PCNX3: variants seen among roughly 807,000 people sequenced by gnomAD.
The protein encoded by PCNX3 is pecanex-like protein 3.
In PCNX3, 58 loss-of-function variants were observed where a neutral mutation model predicts 207.2. The ratio of observed to expected loss-of-function variants is 0.28; its 90% CI spans 0.23 to 0.35. The LOEUF (loss-of-function observed/expected upper bound fraction) is 0.35, where lower values mean the gene tolerates loss of function less well. PCNX3 is among the 10% of genes least tolerant of loss of function. The pLI is 1.00. For synonymous variants in PCNX3, 1,337 were observed against 1,183.5 expected, an observed-to-expected ratio of 1.13 and a Z score of -2.66; for missense variants, 2,410 against 2,774.4, an observed-to-expected ratio of 0.87 and a Z score of 2.95.
At chr11:65,623,333 C>T (rs980706405) in intron 11 of PCNX3, among the ~76,000 whole-genome samples, 158 bp from the exon 12 acceptor site, 1 of 152,230 alleles carries the variant, frequency 6.6e-6, no homozygotes, top group Non-Finnish European at 1.5e-5. Context: ...TGCCGGGCCG[C>T]GTCGTCGCAA....
Position 65,624,493 on chromosome 11 carries a change from C to T in PCNX3, c.2739C>T (p.Phe913=), listed in dbSNP as rs1480384311. The T allele has an allele frequency of 3.1e-6, 5 of 1,604,856 alleles. No individual in the cohort carries two copies. The highest frequency in any genetic ancestry group is 3.4e-6 in the Non-Finnish European group (4 of 1,175,662). Residue 913 remains phenylalanine, a synonymous_variant, in exon 15 of 35, where the codon TTC becomes TTT. Coordinates refer to ENST00000355703, the MANE Select transcript of PCNX3 (RefSeq NM_032223.4). ...VATVFTLCFP[F]VFLLGLLPQV... ...CAGTGTTCACCCTGTGCTTCCCCTT[C>T]GTCTTCCTCCTGGGCCTCCTGCCCC... is the stretch of plus-strand genomic sequence containing the variant.
Position 65,625,239 on chromosome 11 carries a change from C to T in PCNX3, c.2988C>T (p.Ser996=), listed in dbSNP as rs1157271159. 3.7e-6 allele frequency: 6 copies of T among 1,611,118 alleles called. No individual in the cohort carries two copies. The highest frequency in any genetic ancestry group is 2.2e-5 in the East Asian group (1 of 44,890). ...SVFCGLLVAL[S]YHLSRQSSDP... ...TCTGTGGCCTCCTGGTGGCACTGTC[C>T]TACCACCTGAGCCGGCAGAGCAGCG... is the stretch of plus-strand genomic sequence containing the variant. Residue 996 remains serine (S), a synonymous_variant, in exon 17 of 35, where the codon TCC becomes TCT. Transcript: ENST00000355703. The surrounding 1 kb of genome is among the most constrained non-coding windows in gnomAD (Gnocchi z 5.6).
At chr11:65,630,925 G>A (rs1311525218) in intron 27 of PCNX3, among the ~76,000 whole-genome samples, 1 of 152,232 alleles carries the variant, frequency 6.6e-6, no homozygotes, top group South Asian at 2.1e-4. Context: ...CAGAGCAGTG[G>A]TAGAGCTAAC....
Position 65,630,416 on chromosome 11 carries a change from T to G in PCNX3, c.4282T>G (p.Cys1428Gly). The part of the protein sequence containing the change: ...TEGVEEDEGC[C>G]CCEPGHLPRV... ...GGGTGTGGAGGAGGACGAGGGCTGTTGCTGCTGTGAACCTGGCCACCTGCC... is the reference window on the plus strand; with the variant it reads ...GGGTGTGGAGGAGGACGAGGGCTGTGGCTGCTGTGAACCTGGCCACCTGCC... The change falls in exon 27 of 35, where the codon TGC becomes GGC. Residue 1428 changes from cysteine (C) to glycine (G), a missense_variant. Cys to Gly is a radical substitution (Grantham distance 159, BLOSUM62 -3). Around this residue, in one of 8 missense-constraint regions of PCNX3, gnomAD observed 420 missense variants for 705.3 expected, o/e 0.60. Coordinates refer to ENST00000355703, the MANE Select transcript of PCNX3 (RefSeq NM_032223.4). 6.2e-7 allele frequency: 1 copy of G among 1,613,550 alleles called. No individual in the cohort carries two copies. Among genetic ancestry groups the G allele is most frequent in the Non-Finnish European group, 8.5e-7 (1 of 1,179,892 alleles).
At position 65,625,858 on chromosome 11, in the gene PCNX3, TTGGCC is replaced by T; in HGVS notation, c.3229-43_3229-39del. ...GTGCCAGGTGGCCCTCTGTGGTCCC[TTGGCC>T]TGCTCCCATCAGCTGAGTCTCTGGC... On this transcript the variant is annotated intron_variant, in intron 19 of 34. Coordinates refer to ENST00000355703, the MANE Select transcript of PCNX3 (RefSeq NM_032223.4). The surrounding 1 kb of genome is among the most constrained non-coding windows in gnomAD (Gnocchi z 5.6). 1 of 1,602,512 alleles carries T rather than the reference TTGGCC, an allele frequency of 6.2e-7. No homozygotes were observed. The highest frequency in any genetic ancestry group is 8.5e-7 in the Non-Finnish European group (1 of 1,173,598).
Position 65,636,503 on chromosome 11 carries a change from C to T in PCNX3, c.5706C>T (p.Leu1902=), listed in dbSNP as rs774159599. 6.3e-7 allele frequency: 1 copy of T among 1,580,864 alleles called. No homozygotes were observed. Among genetic ancestry groups the T allele is most frequent in the South Asian group, 1.1e-5 (1 of 88,002 alleles). ...PPLLQWPPPR[L]PGPPPASPIP... ...TGCTGCAGTGGCCTCCCCCTCGGCT[C>T]CCTGGACCACCCCCTGCATCGCCTA... The change falls in exon 34 of 35, where the codon CTC becomes CTT. Residue 1902 remains leucine (L), a synonymous_variant. Transcript: ENST00000355703.
rs1227103859 is a variant in PCNX3 at position 65,616,999 on chromosome 11, G to A, written c.329G>A (p.Ser110Asn). Residue 110 changes from serine to asparagine, a missense_variant, in exon 2 of 35, where the codon AGC becomes AAC. Coordinates refer to ENST00000355703, the MANE Select transcript of PCNX3 (RefSeq NM_032223.4). ...ELEEEPAQGD[S>N]NPPRDPGVEM... ...GAGGAAGAGCCTGCCCAGGGGGACAGCAATCCACCCAGGTGGGTGGGGTAG... is the reference window on the plus strand; with the variant it reads ...GAGGAAGAGCCTGCCCAGGGGGACAACAATCCACCCAGGTGGGTGGGGTAG... 1 of 1,609,784 alleles carries A rather than the reference G, an allele frequency of 6.2e-7. No homozygotes were observed. The highest frequency in any genetic ancestry group is 8.5e-7 in the Non-Finnish European group (1 of 1,178,552).
intron 2 of PCNX3, 102 bp downstream of exon 2, chr11:65,617,113 TGA>T: frequency 1.4e-6 from 2 of 1,402,532 alleles, no homozygotes; most frequent in South Asian, 2.6e-5. Flanking sequence ...GCTCTCTGAG[TGA>T]TTGTGAACAC....
intron 29 of PCNX3, among the ~76,000 whole-genome samples, 163 bp downstream of exon 29, chr11:65,634,804 G>T (rs1855759824): frequency 6.6e-6 from 1 of 152,130 alleles, no homozygotes; most frequent in South Asian, 2.1e-4. Context: ...TCATGACCTT[G>T]CCTGCTCCTC....
At position 65,625,993 on chromosome 11, in the gene PCNX3, C is replaced by T; in HGVS notation, c.3318C>T (p.Pro1106=). Residue 1106 remains proline, a synonymous_variant, in exon 20 of 35, where the codon CCC becomes CCT. Transcript: ENST00000355703. The surrounding 1 kb of genome is among the most constrained non-coding windows in gnomAD (Gnocchi z 5.6). ...YLLPQLRKQL[P]WFCLSQPVLK... is the part of the protein sequence containing the mutation. ...TGCCACAACTCCGCAAACAGCTGCCCTGGTTCTGCCTGTCACAGCCCGTGC... is the reference window on the plus strand; with the variant it reads ...TGCCACAACTCCGCAAACAGCTGCCTTGGTTCTGCCTGTCACAGCCCGTGC... The T allele has an allele frequency of 6.2e-7, 1 of 1,613,652 alleles. No individual in the cohort carries two copies. The highest frequency in any genetic ancestry group is 8.5e-7 in the Non-Finnish European group (1 of 1,179,796).
chr11:65,636,315 G>C lies in PCNX3; in HGVS notation c.5593+8G>C. 6.2e-7 allele frequency: 1 copy of C among 1,610,814 alleles called. No individual in the cohort carries two copies. The highest frequency in any genetic ancestry group is 8.5e-7 in the Non-Finnish European group (1 of 1,178,510). On this transcript the variant is annotated splice_region_variant and intron_variant, in intron 33 of 34. Transcript: ENST00000355703. ...CACCTGAGAACACGGCAGGTGAGCA[G>C]GCGAGGCTGGGCTGAACCCGTGGGT...
At chr11:65,633,258 C>T (rs529152034) in intron 27 of PCNX3, among the ~76,000 whole-genome samples, 16 of 152,378 alleles carry the variant, frequency 1.1e-4, no homozygotes, top group East Asian at 3.9e-4. Context: ...TGCCAGCTAC[C>T]TGTCTTCCAA....
At chr11:65,630,678 C>T in intron 27 of PCNX3, 74 bp downstream of exon 27, 2 of 1,538,832 alleles carry the variant, frequency 1.3e-6, no homozygotes, top group Non-Finnish European at 1.8e-6. Flanking sequence ...CCCCAGTACC[C>T]CCTTTCTGGG....
Position 65,616,222 on chromosome 11 carries a change from C to A in PCNX3, c.-90C>A. 2.7e-6 allele frequency: 3 copies of A among 1,118,966 alleles called. No individual in the cohort carries two copies. The highest frequency in any genetic ancestry group is 3.6e-6 in the Non-Finnish European group (3 of 840,310). 69.3% of individuals were successfully genotyped at this position (1,118,966 alleles called of 1,614,324 possible). Reference sequence around the variant, plus strand: ...ATGGCGTGAGCGTGAGGCCGGGCCCCGGGGCCCTCAGGCGCCAGACGGGGC... The same window carrying A: ...ATGGCGTGAGCGTGAGGCCGGGCCCAGGGGCCCTCAGGCGCCAGACGGGGC... On this transcript the variant is annotated 5_prime_UTR_variant, in exon 1 of 35. Transcript: ENST00000355703.
In PCNX3 at chr11:65,636,429, G is replaced by C; in HGVS notation, c.5632G>C (p.Gly1878Arg). Residue 1878 changes from glycine (G) to arginine (R), a missense_variant, in exon 34 of 35, where the codon GGG becomes CGG. By Grantham distance (125) the Gly-to-Arg change is moderately radical. Coordinates refer to ENST00000355703, the MANE Select transcript of PCNX3 (RefSeq NM_032223.4). Reference sequence around the variant, plus strand: ...ACCCCTCCCACCAGGCCCTGGCTGGGGGCCGCGGTCCTCCCTGAGTGGCTC... The same window carrying C: ...ACCCCTCCCACCAGGCCCTGGCTGGCGGCCGCGGTCCTCCCTGAGTGGCTC... ...DQPLPPGPGW[G>R]PRSSLSGSGD... The C allele has an allele frequency of 6.4e-7, 1 of 1,554,462 alleles. No homozygotes were observed. The highest frequency in any genetic ancestry group is 8.7e-7 in the Non-Finnish European group (1 of 1,151,268).
At position 65,618,000 on chromosome 11, in the gene PCNX3, A is replaced by G; in HGVS notation, c.638A>G (p.Asp213Gly). ...AVPDPSLASTDSSEPSPLAGD... is the reference protein window; with the variant it reads ...AVPDPSLASTGSSEPSPLAGD... ...CCAGACCCCTCTCTTGCCAGTACAG[A>G]CTCTTCAGAGCCTTCTCCCCTGGCT... The change falls in exon 6 of 35, where the codon GAC (aspartate) becomes GGC (glycine). Residue 213 changes from aspartate to glycine, a missense_variant. This residue lies in a region of PCNX3 where 1,104 missense variants were observed against 970.3 expected (regional missense o/e 1.14). Transcript: ENST00000355703. 2 of 1,610,842 alleles carry G rather than the reference A, an allele frequency of 1.2e-6. No individual in the cohort carries two copies. The highest frequency in any genetic ancestry group is 2.2e-5 in the South Asian group (2 of 90,732).
At chr11:65,634,721 ACAGTGGCCACAGAAACTG>A in intron 29 of PCNX3, 80 bp downstream of exon 29, 1 of 1,358,456 alleles carries the variant, frequency 7.4e-7, no homozygotes, top group Non-Finnish European at 1.0e-6. Context: ...GTCTCTGGCC[ACAGTGGCCACAGAAACTG>A]CAGTGGCCCT....
Position 65,635,023 on chromosome 11 carries a change from G to A in PCNX3, c.4856G>A (p.Arg1619His), listed in dbSNP as rs1855769633. 3.7e-6 allele frequency: 6 copies of A among 1,613,782 alleles called. No homozygotes were observed. Among genetic ancestry groups the A allele is most frequent in the East Asian group, 2.2e-5 (1 of 44,848 alleles). Residue 1619 changes from arginine (R) to histidine (H), a missense_variant, in exon 30 of 35, where the codon CGC becomes CAC. Physicochemically the swap from Arg to His is conservative, Grantham distance 29 (BLOSUM62 0). Around this residue, in one of 8 missense-constraint regions of PCNX3, gnomAD observed 420 missense variants for 705.3 expected, o/e 0.60. Transcript: ENST00000355703. The surrounding 1 kb of genome is among the most constrained non-coding windows in gnomAD (Gnocchi z 9.9). Reference protein sequence around the residue: ...GLHALFKGDFRITSPRDEWVF... With the variant: ...GLHALFKGDFHITSPRDEWVF... ...CACGCCCTGTTCAAGGGGGATTTTC[G>A]CATCACCTCCCCACGTGACGAGTGG... is the stretch of plus-strand genomic sequence containing the variant.
chr11:65,624,994 G>T lies in PCNX3; in HGVS notation c.2897G>T (p.Gly966Val). Reference sequence around the variant, plus strand: ...CTGCTGGCTGCTGCCCTGCTCTACGGTTTCTGCCTTGGGGCCATCAAGGTA... The same window carrying T: ...CTGCTGGCTGCTGCCCTGCTCTACGTTTTCTGCCTTGGGGCCATCAAGGTA... ...RSLLAAALLY[G>V]FCLGAIKTPW... Residue 966 changes from glycine to valine, a missense_variant, in exon 16 of 35, where the codon GGT becomes GTT. This residue lies in a region of PCNX3 where 333 missense variants were observed against 386.8 expected (regional missense o/e 0.86). Transcript: ENST00000355703. 1 of 1,612,786 alleles carries T rather than the reference G, an allele frequency of 6.2e-7. No homozygotes were observed. The highest frequency in any genetic ancestry group is 2.2e-5 in the East Asian group (1 of 44,872).
Sources: gnomAD v4.1 joint callset for allele counts (sites outside exome capture counted in the v4.1 genomes callset) on GRCh38, gnomAD v4.1.1 for gene constraint, gnomAD v4.1.1 regional missense constraint, Gnocchi (gnomAD v3.1) non-coding constraint, MANE v1.5 for transcripts, NCBI Gene and HGNC (gene_info 2026-07-23, HGNC 2026-07-21) for gene names.